The following ALX4 variants were observed in gnomAD, a reference collection of about 807,000 sequenced individuals.
ALX4 encodes the protein ALX homeobox 4, also known as homeobox protein aristaless-like 4.
In ALX4, 22 loss-of-function variants were observed where a neutral mutation model predicts 40.6. The observed-to-expected ratio is 0.54, with a 90% CI of 0.39 to 0.77. ALX4 has a LOEUF of 0.77. Among genes scored for constraint, ALX4 ranks in the 30% least tolerant of loss-of-function variants. The pLI is 0.00. For missense variants in ALX4, 556 were observed against 564.8 expected (o/e 0.98, Z 0.16); for synonymous variants, 266 against 240.5 (o/e 1.11, Z -0.98).
At chr11:44,266,431 C>A (rs1004739002) in intron 3 of ALX4, among the ~76,000 whole-genome samples, 2 of 151,970 alleles carry the variant, frequency 1.3e-5, no homozygotes, top group Non-Finnish European at 2.9e-5. Context: ...GTGTGAGACA[C>A]CCCATATTCC....
rs1381487709 is a variant in ALX4 at position 44,309,582 on chromosome 11, C to T, written c.466+15G>A. On this transcript the variant is annotated intron_variant, in intron 1 of 3. Transcript: ENST00000652299. ...CCGTGGTCCCCAGCACCAGGTGACC[C>T]GCACGTGCACTCACCGTAGCAGGGA... 2 of 1,569,004 alleles carry T rather than the reference C, an allele frequency of 1.3e-6. No homozygotes were observed. The highest frequency in any genetic ancestry group is 2.3e-5 in the East Asian group (1 of 42,914).
At chr11:44,283,197 A>G (rs1341759102) in intron 1 of ALX4, among the ~76,000 whole-genome samples, 1 of 151,368 alleles carries the variant, frequency 6.6e-6, no homozygotes, top group Admixed American at 6.6e-5. Flanking sequence ...CACTGAACTG[A>G]GATCATGCCA....
At chr11:44,276,525 T>C (rs1956279175) in intron 1 of ALX4, among the ~76,000 whole-genome samples, 1 of 152,030 alleles carries the variant, frequency 6.6e-6, no homozygotes, top group African/African-American at 2.4e-5. Flanking sequence ...CCCATACACA[T>C]CAAGAAAGAA....
chr11:44,266,392 C>G (rs142248677), intron 3 of ALX4, among the ~76,000 whole-genome samples: 3 of 152,124 alleles, frequency 2.0e-5, no homozygotes, highest in African/African-American at 4.8e-5. Flanking sequence ...AATGGAAGAA[C>G]ATAGTGCGAG....
chr11:44,292,629 A>G (rs1956376816), intron 1 of ALX4, among the ~76,000 whole-genome samples: 1 of 152,230 alleles, frequency 6.6e-6, no homozygotes, highest in South Asian at 2.1e-4. Context: ...TAAAATAGTT[A>G]ACAATTCAAA....
intron 1 of ALX4, among the ~76,000 whole-genome samples, chr11:44,303,647 G>C (rs1565010932): frequency 6.6e-6 from 1 of 152,140 alleles, no homozygotes; most frequent in Non-Finnish European, 1.5e-5. Flanking sequence ...CTCTTTCCTC[G>C]GCGCTGGCTG....
chr11:44,292,069 G>A (rs919139095), intron 1 of ALX4, among the ~76,000 whole-genome samples: 46 of 151,884 alleles, frequency 3.0e-4, no homozygotes, highest in Admixed American at 9.2e-4. Context: ...CACCCTCCTC[G>A]GCCTCCCAAA....
In ALX4 at chr11:44,275,281, A is replaced by G; in HGVS notation, c.777+67T>C. On this transcript the variant is annotated intron_variant, in intron 2 of 3. Transcript: ENST00000652299. Reference sequence around the variant, plus strand: ...GTTGGTGGGCAGTCAGGAGACCCCAACTGCAGCCAAGAGCCCAGGGACAGG... The same window carrying G: ...GTTGGTGGGCAGTCAGGAGACCCCAGCTGCAGCCAAGAGCCCAGGGACAGG... 2.6e-6 allele frequency: 4 copies of G among 1,567,402 alleles called. No homozygotes were observed. The South Asian group carries it at 3.3e-5, about 13-fold the overall frequency.
intron 3 of ALX4, 136 bp from the exon 4 acceptor site, chr11:44,265,319 T>A (rs1005356137): frequency 1.1e-6 from 1 of 874,098 alleles, no homozygotes; most frequent in Non-Finnish European, 1.7e-6. Flanking sequence ...TTAGCCTTGA[T>A]GGACATCCAG....
rs553746284 is a variant in ALX4, at chr11:44,276,156, C to T, written c.467-498G>A. ...GGCAGACAGGAGTGCCCCTCCTTTC[C>T]TGGCCTAGTCCCACCAGGAGTTCAG... On this transcript the variant is annotated intron_variant, in intron 1 of 3. Transcript: ENST00000652299. 5.9e-5 allele frequency among the ~76,000 whole-genome samples: 9 copies of T among 152,334 alleles called. No individual in the cohort carries two copies. In the South Asian group the frequency reaches 1.7e-3, roughly 28 times the overall value.
In ALX4 at chr11:44,275,545, C is replaced by T; in HGVS notation, c.580G>A (p.Ala194Thr). 2 of 1,614,168 alleles carry T rather than the reference C, an allele frequency of 1.2e-6. No homozygotes were observed. The highest frequency in any genetic ancestry group is 1.7e-5 in the Admixed American group (1 of 60,028). Residue 194 changes from alanine to threonine, a missense_variant, in exon 2 of 4, where the codon GCC (alanine) becomes ACC (threonine). Ala to Thr is a moderately conservative substitution (Grantham distance 58, BLOSUM62 0). Transcript: ENST00000652299. ...EAGVKGPQDR[A>T]SSDLPSPLEK... ...AATGGGCTGGGGAGGTCTGAGCTGG[C>T]CCGGTCCTGGGGCCCCTTCACCCCA...
rs1375545521 is a variant in ALX4, at chr11:44,297,109, G to A, written c.466+12488C>T. On this transcript the variant is annotated intron_variant, in intron 1 of 3. Transcript: ENST00000652299. ...GGTGGGGGGTCAAGGGTGTGATGGC[G>A]GTTCCCGTTTAATAGGTATGGAGTT... Among the ~76,000 whole-genome samples, 6 of 151,792 alleles carry A rather than the reference G, an allele frequency of 4.0e-5. No individual in the cohort carries two copies. In the East Asian group the frequency reaches 5.8e-4, roughly 15 times the overall value.
At chr11:44,288,493 G>A (rs558887856) in intron 1 of ALX4, among the ~76,000 whole-genome samples, 2 of 152,348 alleles carry the variant, frequency 1.3e-5, no homozygotes, top group East Asian at 3.9e-4. Flanking sequence ...GCTGGCATAT[G>A]TAATCATTTG....
At chr11:44,297,774 C>T (rs374685106) in intron 1 of ALX4, among the ~76,000 whole-genome samples, 199 of 152,220 alleles carry the variant, frequency 1.3e-3, no homozygotes, top group African/African-American at 4.7e-3. Context: ...GTGCCCCTGC[C>T]ATTCCTCAGC....
At chr11:44,291,256 T>C (rs1207705181) in intron 1 of ALX4, among the ~76,000 whole-genome samples, 1 of 152,188 alleles carries the variant, frequency 6.6e-6, no homozygotes, top group African/African-American at 2.4e-5. Flanking sequence ...AAGAGTGGAT[T>C]CACGGCAGCC....
At chr11:44,280,423 A>G (rs1403514287) in intron 1 of ALX4, among the ~76,000 whole-genome samples, 1 of 152,152 alleles carries the variant, frequency 6.6e-6, no homozygotes, top group Non-Finnish European at 1.5e-5. Context: ...GCCTTGGGGC[A>G]CCTCGTGCTG....
chr11:44,304,337 C>T (rs1172350880), intron 1 of ALX4, among the ~76,000 whole-genome samples: 1 of 152,240 alleles, frequency 6.6e-6, no homozygotes, highest in East Asian at 1.9e-4. Context: ...CTAGGTCCTT[C>T]GGCTTCCTGA....
At chr11:44,285,949 C>A (rs1010492573) in intron 1 of ALX4, among the ~76,000 whole-genome samples, 4 of 152,186 alleles carry the variant, frequency 2.6e-5, no homozygotes, top group Non-Finnish European at 5.9e-5. Flanking sequence ...TCAGGACACA[C>A]CCCTGGAATT....
rs1956185168 is a variant in ALX4, at chr11:44,261,984, A to C, written c.*2870T>G. 6.6e-6 allele frequency: 1 copy of C among 152,270 alleles called. No homozygotes were observed. The highest frequency in any genetic ancestry group is 6.5e-5 in the Admixed American group (1 of 15,284). 9.4% of individuals were successfully genotyped at this position (152,270 alleles called of 1,614,324 possible). On this transcript the variant is annotated 3_prime_UTR_variant, in exon 4 of 4. Transcript: ENST00000652299. ...GCAGTGCAGAAGGTTGGGCCTAGCCACCTGTCTTGGAAGGGACTGGGCCCC... is the reference window on the plus strand; with the variant it reads ...GCAGTGCAGAAGGTTGGGCCTAGCCCCCTGTCTTGGAAGGGACTGGGCCCC...
Sources: gnomAD v4.1 joint callset for allele counts (sites outside exome capture counted in the v4.1 genomes callset) on GRCh38, gnomAD v4.1.1 for gene constraint, MANE v1.5 for transcripts, NCBI Gene and HGNC (gene_info 2026-07-23, HGNC 2026-07-21) for gene names.